The following ARMC8 variants were observed in gnomAD, a reference collection of about 807,000 sequenced individuals.
ARMC8 encodes the protein armadillo repeat-containing protein 8.
ARMC8 carries 20 observed loss-of-function variants against 99.3 expected under a neutral mutation model. The ratio of observed to expected loss-of-function variants is 0.20; its 90% CI spans 0.14 to 0.29. The LOEUF is 0.29. Among genes scored for constraint, ARMC8 ranks in the 10% least tolerant of loss-of-function variants. The probability of loss-of-function intolerance (pLI) is 1.00; values close to 1 mark genes in which losing one functional copy is unlikely to be tolerated. For synonymous variants in ARMC8, 263 were observed against 278.3 expected, an observed-to-expected ratio of 0.95 and a Z score of 0.55; for missense variants, 569 against 809.5, an observed-to-expected ratio of 0.70 and a Z score of 3.60.
At chr3:138,210,366 C>T (rs2044622147) in intron 2 of ARMC8, among the ~76,000 whole-genome samples, 1 of 152,142 alleles carries the variant, frequency 6.6e-6, no homozygotes, top group African/African-American at 2.4e-5. Context: ...TCTTAATAAC[C>T]ATAATGCCTT....
At chr3:138,269,441 A>G (rs1272867960) in intron 15 of ARMC8, among the ~76,000 whole-genome samples, 2 of 152,218 alleles carry the variant, frequency 1.3e-5, no homozygotes, top group Non-Finnish European at 2.9e-5. Context: ...TAGATGTAAA[A>G]TGTGGCATGA....
intron 14 of ARMC8, among the ~76,000 whole-genome samples, chr3:138,265,730 G>C (rs144321461): frequency 6.4e-4 from 97 of 152,304 alleles, no homozygotes; most frequent in African/African-American, 2.2e-3. Flanking sequence ...TAGTGGAGCA[G>C]TGGGATATAA....
intron 1 of ARMC8, among the ~76,000 whole-genome samples, chr3:138,189,631 G>A (rs2043263555): frequency 6.6e-6 from 1 of 152,204 alleles, no homozygotes; most frequent in African/African-American, 2.4e-5. Context: ...TAGTCTGGGT[G>A]ACGCTATAAT....
At chr3:138,195,155 G>C (rs1243454395) in intron 1 of ARMC8, among the ~76,000 whole-genome samples, 2 of 152,038 alleles carry the variant, frequency 1.3e-5, no homozygotes, top group Non-Finnish European at 2.9e-5. Context: ...GCAGGCGCCT[G>C]TAGTCCCAGC....
intron 20 of ARMC8, 61 bp downstream of exon 20, chr3:138,289,181 A>G (rs905939855): frequency 1.3e-5 from 18 of 1,345,252 alleles, no homozygotes; most frequent in Non-Finnish European, 1.8e-5. Context: ...TGCACAGGGA[A>G]GCTAGCAGGT....
At chr3:138,196,822 G>A (rs747617816) in intron 1 of ARMC8, among the ~76,000 whole-genome samples, 3 of 152,094 alleles carry the variant, frequency 2.0e-5, no homozygotes, top group Admixed American at 6.6e-5. Flanking sequence ...AGCTGAGATC[G>A]CACCCTTGCA....
At position 138,289,109 on chromosome 3, in the gene ARMC8, A is replaced by G. The variant is rs555110828; in HGVS notation, c.1883A>G (p.Asn628Ser). 2 of 1,612,760 alleles carry G rather than the reference A, an allele frequency of 1.2e-6. No individual in the cohort carries two copies. The highest frequency in any genetic ancestry group is 1.7e-6 in the Non-Finnish European group (2 of 1,179,110). Residue 628 changes from asparagine (N) to serine (S), a missense_variant, in exon 20 of 22, where the codon AAT (asparagine) becomes AGT (serine). Asn to Ser is a conservative substitution (Grantham distance 46, BLOSUM62 1). Around this residue, in one of 2 missense-constraint regions of ARMC8, gnomAD observed 227 missense variants for 417.9 expected, o/e 0.54. Transcript: ENST00000469044. ...TTTTGTATATCAAACCTCATATGGA[A>G]TGAAGAGGAAGGTAAGAGATTGGTG... ...AMFCISNLIW[N>S]EEEGSQERQD...
At chr3:138,246,066 T>C (rs2046865600) in intron 12 of ARMC8, 2 of 985,218 alleles carry the variant, frequency 2.0e-6, no homozygotes, top group South Asian at 9.4e-5. Context: ...GTGAGAGAAA[T>C]CACAAAGTAT....
At chr3:138,279,125 A>G (rs1000487314) in intron 18 of ARMC8, among the ~76,000 whole-genome samples, 3 of 152,232 alleles carry the variant, frequency 2.0e-5, no homozygotes, top group Admixed American at 2.0e-4. Context: ...GTCTTTCACT[A>G]TTGAATATGT....
intron 1 of ARMC8, among the ~76,000 whole-genome samples, chr3:138,190,103 T>TA (rs2043292671): frequency 6.6e-6 from 1 of 152,110 alleles, no homozygotes; most frequent in South Asian, 2.1e-4. Context: ...AGCGTCCTTT[T>TA]AATTATTTTT....
chr3:138,275,852 A>G (rs1295339158), intron 18 of ARMC8, among the ~76,000 whole-genome samples: 3 of 152,234 alleles, frequency 2.0e-5, no homozygotes, highest in African/African-American at 7.2e-5. Flanking sequence ...ATTTTTTTTA[A>G]AACTGTGTTT....
chr3:138,271,556 A>G (rs752896669), intron 16 of ARMC8, among the ~76,000 whole-genome samples: 11 of 152,180 alleles, frequency 7.2e-5, no homozygotes, highest in Non-Finnish European at 1.0e-4. Context: ...TGTACAAACT[A>G]TCTTATTCTC....
intron 1 of ARMC8, among the ~76,000 whole-genome samples, chr3:138,201,980 G>A (rs1474640680): frequency 1.3e-5 from 2 of 152,056 alleles, no homozygotes; most frequent in Non-Finnish European, 2.9e-5. Flanking sequence ...AAACCCTGAG[G>A]GTAAGGAACT....
At chr3:138,198,521 T>C (rs2043867820) in intron 1 of ARMC8, among the ~76,000 whole-genome samples, 2 of 149,702 alleles carry the variant, frequency 1.3e-5, no homozygotes, top group South Asian at 2.1e-4. Flanking sequence ...ATTATTATTA[T>C]TATTTTTTGA....
intron 15 of ARMC8, among the ~76,000 whole-genome samples, chr3:138,267,578 T>G (rs1159408205): frequency 6.6e-6 from 1 of 152,220 alleles, no homozygotes; most frequent in Non-Finnish European, 1.5e-5. Context: ...AAAGAATAAA[T>G]TAAGACTAAA....
At chr3:138,239,347 C>T (rs931869554) in intron 9 of ARMC8, 121 bp from the exon 10 acceptor site, 1 of 654,278 alleles carries the variant, frequency 1.5e-6, no homozygotes. Flanking sequence ...AAAATCTTCA[C>T]TCTCAAGATA....
chr3:138,217,063 C>T (rs1190474226), intron 2 of ARMC8, among the ~76,000 whole-genome samples: 1 of 152,116 alleles, frequency 6.6e-6, no homozygotes, highest in Non-Finnish European at 1.5e-5. Context: ...TTGCAGCCTA[C>T]AAGCAATAAA....
chr3:138,243,303 G>A (rs902915590), intron 11 of ARMC8, among the ~76,000 whole-genome samples: 2 of 151,994 alleles, frequency 1.3e-5, no homozygotes, highest in Non-Finnish European at 2.9e-5. Context: ...AAATGACATC[G>A]TAATACCAAA....
At chr3:138,235,219 G>T in intron 7 of ARMC8, 105 bp downstream of exon 7, 14 of 719,048 alleles carry the variant, frequency 1.9e-5, no homozygotes, top group Non-Finnish European at 2.2e-5. Context: ...ATCAAAAGTA[G>T]TATTTTATCA....
Sources: allele counts gnomAD v4.1 joint callset (sites outside exome capture counted in the v4.1 genomes callset), GRCh38; gene constraint gnomAD v4.1.1; regional missense constraint gnomAD v4.1.1; transcripts MANE v1.5; gene names NCBI Gene and HGNC (gene_info 2026-07-23, HGNC 2026-07-21).